PCDH19: variants seen among roughly 807,000 people sequenced by gnomAD.
The protein encoded by PCDH19 is protocadherin 19.
Under a neutral mutation model 46.2 loss-of-function variants are expected in PCDH19, and 6 were observed. That is an observed-to-expected ratio of 0.13 (90% CI 0.07 to 0.26). The LOEUF (loss-of-function observed/expected upper bound fraction) is 0.26, where lower values mean the gene tolerates loss of function less well. Ranked by LOEUF, PCDH19 falls within the 10% of genes least tolerant of loss-of-function variation. The pLI, the probability that PCDH19 is intolerant of heterozygous loss-of-function variation, is 1.00. For missense variants in PCDH19, 740 were observed against 972.3 expected, an observed-to-expected ratio of 0.76 and a Z score of 3.18; for synonymous variants, 481 against 415.7, an observed-to-expected ratio of 1.16 and a Z score of -1.91.
chrX:100,363,856 C>CATGTGTGTGTGTGTGTGTGT (rs57620335), intron 3 of PCDH19, among the ~76,000 whole-genome samples: 34 of 88,964 alleles, frequency 3.8e-4, no homozygotes, highest in South Asian at 2.2e-3. Flanking sequence ...AATGTGCGTG[C>CATGTGTGTGTGTGTGTGTGT]GTGTGTGTGT....
chrX:100,409,674 CT>C lies in PCDH19; in HGVS notation c.-1078del. 4.4e-6 allele frequency: 1 copy of C among 226,545 alleles called. No individual in the cohort carries two copies. Among genetic ancestry groups the C allele is most frequent in the Non-Finnish European group, 7.7e-6 (1 of 129,272 alleles). 18.7% of individuals were successfully genotyped at this position (226,545 alleles called of 1,213,427 possible). A position where few individuals can be genotyped will look rare whatever the true frequency, so the allele number is the denominator to read the frequency against. ...GCCGCCGTGGGTACCGGGTGCTTCT[CT>C]TCTCTCCGTTTGGGCTGGGGTGTCG... On this transcript the variant is annotated 5_prime_UTR_variant, in exon 1 of 6. Transcript: ENST00000373034.
At chrX:100,304,603 AGGTC>A (rs1924882181) in intron 5 of PCDH19, among the ~76,000 whole-genome samples, 1 of 112,198 alleles carries the variant, frequency 8.9e-6, no homozygotes, top group South Asian at 3.8e-4. Context: ...AAAATTCAGA[AGGTC>A]AATTACTAAG....
intron 5 of PCDH19, among the ~76,000 whole-genome samples, chrX:100,297,294 C>G (rs1029444989): frequency 5.4e-5 from 6 of 111,116 alleles, no homozygotes; most frequent in Non-Finnish European, 1.1e-4. Flanking sequence ...ATTTAAGAAG[C>G]CTTGGCCATA....
rs138379837 is a variant in PCDH19, at chrX:100,404,837, T to C, written c.2148-1173A>G. On this transcript the variant is annotated intron_variant, in intron 1 of 5. Coordinates refer to ENST00000373034, the MANE Select transcript of PCDH19 (RefSeq NM_001184880.2). ...AGAGTCCTCTCCATAATTATCTCCA[T>C]ATAAATAAAATTTTATTGACCCCAC... Among the ~76,000 whole-genome samples the C allele has an allele frequency of 5.9e-4, 66 of 111,847 alleles. No individual in the cohort carries two copies. The East Asian group carries it at 0.014, about 24-fold the overall frequency.
chrX:100,363,006 TA>T (rs1926936975), intron 3 of PCDH19, among the ~76,000 whole-genome samples: 1 of 110,362 alleles, frequency 9.1e-6, no homozygotes, highest in South Asian at 3.9e-4. Flanking sequence ...TCCTAATCTA[TA>T]AAATGGAAAT....
intron 3 of PCDH19, among the ~76,000 whole-genome samples, chrX:100,352,361 T>C (rs1435783611): frequency 8.9e-6 from 1 of 112,562 alleles, no homozygotes; most frequent in Non-Finnish European, 1.9e-5. Context: ...GTTAATTCGT[T>C]GTACCAACAT....
At chrX:100,398,481 T>A (rs966974219) in intron 3 of PCDH19, among the ~76,000 whole-genome samples, 1 of 112,129 alleles carries the variant, frequency 8.9e-6, no homozygotes, top group Non-Finnish European at 1.9e-5. Context: ...GAGGGTTCAA[T>A]GGCAAATCTA....
intron 5 of PCDH19, among the ~76,000 whole-genome samples, chrX:100,322,835 A>ATG (rs1925538632): frequency 8.6e-5 from 1 of 11,598 alleles, no homozygotes; most frequent in African/African-American, 2.0e-4. Flanking sequence ...ATTCCTAAGT[A>ATG]TATATATATA....
intron 5 of PCDH19, among the ~76,000 whole-genome samples, chrX:100,312,573 A>C (rs773453986): frequency 8.9e-6 from 1 of 111,939 alleles, no homozygotes; most frequent in Non-Finnish European, 1.9e-5. Flanking sequence ...TGTTGCCTCA[A>C]AAACAATTAC....
chrX:100,330,045 C>T (rs1925828352), intron 5 of PCDH19, among the ~76,000 whole-genome samples: 1 of 112,370 alleles, frequency 8.9e-6, no homozygotes, highest in Non-Finnish European at 1.9e-5. Context: ...TTTGTTTTAT[C>T]AACAGTGTGC....
In PCDH19 at chrX:100,406,564, G is replaced by A. The variant is rs373293979; in HGVS notation, c.2034C>T (p.Ser678=). Reference sequence around the variant, plus strand: ...AGCCCAGGGCAATAATGAAAATCAAGGACAAGTTCACAGAGCCCATTGACT... The same window carrying A: ...AGCCCAGGGCAATAATGAAAATCAAAGACAAGTTCACAGAGCCCATTGACT... ...AQESMGSVNL[S]LIFIIALGSI... is the part of the protein sequence containing the mutation. Residue 678 remains serine, a synonymous_variant, in exon 1 of 6, where the codon TCC becomes TCT. Coordinates refer to ENST00000373034, the MANE Select transcript of PCDH19 (RefSeq NM_001184880.2). The A allele has an allele frequency of 5.8e-6, 7 of 1,208,554 alleles. No individual in the cohort carries two copies. Among genetic ancestry groups the A allele is most frequent in the African/African-American group, 1.8e-5 (1 of 57,037 alleles).
intron 5 of PCDH19, among the ~76,000 whole-genome samples, chrX:100,319,893 C>G (rs1233005680): frequency 8.9e-6 from 1 of 111,981 alleles, no homozygotes; most frequent in Non-Finnish European, 1.9e-5. Flanking sequence ...GCTAACTATT[C>G]AGAAATGGAT....
rs1025386428 is a variant in PCDH19 at position 100,351,329 on chromosome X, G to A, written c.2617-625C>T. 5.3e-5 allele frequency among the ~76,000 whole-genome samples: 6 copies of A among 112,722 alleles called. No individual in the cohort carries two copies. The East Asian group carries it at 1.7e-3, about 31-fold the overall frequency. On this transcript the variant is annotated intron_variant, in intron 3 of 5. Coordinates refer to ENST00000373034, the MANE Select transcript of PCDH19 (RefSeq NM_001184880.2). ...TTCATGTGAAACATGAAGTTTGCAA[G>A]CAAACCCCTGTCTCAGCTCCTATCA... is the stretch of plus-strand genomic sequence containing the variant.
At position 100,408,267 on chromosome X, in the gene PCDH19, C is replaced by T; in HGVS notation, c.331G>A (p.Glu111Lys). The T allele has an allele frequency of 8.3e-7, 1 of 1,211,784 alleles. No individual in the cohort carries two copies. The highest frequency in any genetic ancestry group is 1.1e-6 in the Non-Finnish European group (1 of 895,445). ...ATCTCCACCTTTATCACGCAGATTT[C>T]CATTGAGCTGGACATGACCTCGAGC... ...ISLEVMSSSM[E>K]ICVIKVEIKD... Residue 111 changes from glutamate to lysine, a missense_variant, in exon 1 of 6, where the codon GAA (glutamate) becomes AAA (lysine). Physicochemically the swap from Glu to Lys is moderately conservative, Grantham distance 56. This residue lies in a region of PCDH19 where 81 missense variants were observed against 96.5 expected (regional missense o/e 0.84). Transcript: ENST00000373034.
chrX:100,370,237 G>A (rs1462426575), intron 3 of PCDH19, among the ~76,000 whole-genome samples: 1 of 112,440 alleles, frequency 8.9e-6, no homozygotes, highest in Non-Finnish European at 1.9e-5. Context: ...TATCACAGCT[G>A]TGCCTACTGC....
chrX:100,339,862 A>G (rs952301917), intron 5 of PCDH19, among the ~76,000 whole-genome samples: 25 of 112,623 alleles, frequency 2.2e-4, no homozygotes, highest in Non-Finnish European at 3.6e-4. Flanking sequence ...CAAATCAAAT[A>G]GTAAGAAACA....
intron 5 of PCDH19, among the ~76,000 whole-genome samples, chrX:100,301,524 T>C (rs1415083835): frequency 2.7e-5 from 3 of 112,284 alleles, no homozygotes; most frequent in African/African-American, 9.7e-5. Context: ...TACTTCTAAG[T>C]GGCAGCAGTA....
intron 3 of PCDH19, among the ~76,000 whole-genome samples, chrX:100,371,741 T>A (rs1261946526): frequency 9.0e-6 from 1 of 110,741 alleles, no homozygotes; most frequent in East Asian, 2.8e-4. Flanking sequence ...ATGTTAGGAA[T>A]TTTTTGTCTG....
chrX:100,302,784 G>A (rs1458682776), intron 5 of PCDH19, among the ~76,000 whole-genome samples: 1 of 111,327 alleles, frequency 9.0e-6, no homozygotes, highest in African/African-American at 3.3e-5. Flanking sequence ...TTTAAGCTCT[G>A]GATGAGCAAA....
Sources: gnomAD v4.1 joint callset for allele counts (sites outside exome capture counted in the v4.1 genomes callset) on GRCh38, gnomAD v4.1.1 for gene constraint, gnomAD v4.1.1 regional missense constraint, MANE v1.5 for transcripts, NCBI Gene and HGNC (gene_info 2026-07-23, HGNC 2026-07-21) for gene names.